The following CASZ1 variants were observed in gnomAD, a reference collection of about 807,000 sequenced individuals.
CASZ1 encodes the protein zinc finger protein castor homolog 1.
In CASZ1, 28 loss-of-function variants were observed where a neutral mutation model predicts 135.2. That is an observed-to-expected ratio of 0.21 (90% confidence interval 0.15 to 0.28). The LOEUF (loss-of-function observed/expected upper bound fraction) is 0.28. Ranked by LOEUF, CASZ1 falls within the 10% of genes least tolerant of loss-of-function variation. CASZ1 has a pLI of 1.00. For missense variants in CASZ1, 2,161 were observed against 2,453.3 expected, an observed-to-expected ratio of 0.88 and a Z score of 2.52; for synonymous variants, 1,068 against 1,073.4, an observed-to-expected ratio of 0.99 and a Z score of 0.10.
At position 10,638,990 on chromosome 1, in the gene CASZ1, C is replaced by G. The variant is rs954737038; in HGVS notation, c.5232G>C (p.Ala1744=). 1.6e-5 allele frequency: 16 copies of G among 982,322 alleles called. No individual in the cohort carries two copies. Among genetic ancestry groups the G allele is most frequent in the Non-Finnish European group, 1.7e-5 (14 of 829,382 alleles). The allele number at this position is 982,322 out of a possible 1,614,324, so 60.9% of individuals were successfully genotyped here. The stretch of plus-strand genomic sequence containing the variant: ...GCGCGGGGCCGGGGGCGCCCAGGGC[C>G]GCCAGCGCCGCCAAGGCCGGGGTCC... ...GARTPALAAL[A]ALGAPGPAPT... The change falls in exon 21 of 21, where the codon GCG becomes GCC. Residue 1744 remains alanine, a synonymous_variant. Transcript: ENST00000377022. This position sits in a 1 kb window ranked among gnomAD's most constrained non-coding sequence, Gnocchi z 5.9.
At chr1:10,641,871 C>T (rs954634898) in intron 20 of CASZ1, among the ~76,000 whole-genome samples, 2 of 152,122 alleles carry the variant, frequency 1.3e-5, no homozygotes, top group African/African-American at 2.4e-5. Flanking sequence ...ATGGAGACCA[C>T]GCTCTCTAGT....
chr1:10,692,071 C>A (rs927814107), intron 4 of CASZ1, among the ~76,000 whole-genome samples: 3 of 152,172 alleles, frequency 2.0e-5, no homozygotes, highest in African/African-American at 7.2e-5. Flanking sequence ...CCCTAAGGCC[C>A]AGGAGAGAAG....
chr1:10,685,398 C>T (rs1220084881), intron 4 of CASZ1, among the ~76,000 whole-genome samples: 1 of 152,204 alleles, frequency 6.6e-6, no homozygotes, highest in Non-Finnish European at 1.5e-5. Context: ...GCCTCGGTAG[C>T]GTGTTCTATT....
At chr1:10,662,154 C>T (rs1643057252) in intron 5 of CASZ1, among the ~76,000 whole-genome samples, 3 of 151,520 alleles carry the variant, frequency 2.0e-5, no homozygotes, top group South Asian at 4.2e-4. Context: ...CACACACCTA[C>T]ACACAGTCAC....
chr1:10,649,515 AGCTCTGGGCTGCT>A (rs1642490507), intron 13 of CASZ1, 78 bp from the exon 14 acceptor site: 4 of 1,482,256 alleles, frequency 2.7e-6, no homozygotes, highest in Non-Finnish European at 9.1e-7. Context: ...CAACAGCCGA[AGCTCTGGGCTGCT>A]GGGACCCACC....
rs895101092 is a variant in CASZ1, at chr1:10,657,720, C to T, written c.1409+788G>A. On this transcript the variant is annotated intron_variant, in intron 7 of 20. Coordinates refer to ENST00000377022, the MANE Select transcript of CASZ1 (RefSeq NM_001079843.3). This position sits in a 1 kb window ranked among gnomAD's most constrained non-coding sequence, Gnocchi z 5.7. ...CGTGGAGGCGGAGAGACAGAGCGGG[C>T]GGGAGGAACCTGGAAGATCTGCGGA... is the stretch of plus-strand genomic sequence containing the variant. Among the ~76,000 whole-genome samples, 20 of 133,786 alleles carry T rather than the reference C, an allele frequency of 1.5e-4. No homozygotes were observed. Among genetic ancestry groups the T allele is most frequent in the Non-Finnish European group, 2.2e-4 (14 of 64,522 alleles). 87.8% of individuals were successfully genotyped at this position (133,786 alleles called of 152,430 possible).
At chr1:10,640,625 T>C (rs1355915824) in intron 20 of CASZ1, among the ~76,000 whole-genome samples, 1 of 152,218 alleles carries the variant, frequency 6.6e-6, no homozygotes, top group Non-Finnish European at 1.5e-5. Context: ...GAGCACCTTG[T>C]CCTTGGTACC....
At chr1:10,765,026 G>A (rs1640447926) in intron 1 of CASZ1, among the ~76,000 whole-genome samples, 2 of 152,158 alleles carry the variant, frequency 1.3e-5, no homozygotes, top group Non-Finnish European at 2.9e-5. Context: ...CCAGATAAGG[G>A]GAAAGCAAAA....
At position 10,666,725 on chromosome 1, in the gene CASZ1, C is replaced by G. The variant is rs866263180; in HGVS notation, c.17-1154G>C. On this transcript the variant is annotated intron_variant, in intron 4 of 20. Coordinates refer to ENST00000377022, the MANE Select transcript of CASZ1 (RefSeq NM_001079843.3). This position sits in a 1 kb window ranked among gnomAD's most constrained non-coding sequence, Gnocchi z 5.2. ...TAGGGCACCGAGGGTCCTGGGGGGG[C>G]ATACGGCAAGCCCACCCACCACACA... 6.6e-6 allele frequency among the ~76,000 whole-genome samples: 1 copy of G among 152,220 alleles called. No individual in the cohort carries two copies. The highest frequency in any genetic ancestry group is 2.1e-4 in the South Asian group (1 of 4,828).
At chr1:10,649,228 G>C in intron 14 of CASZ1, 36 bp from the exon 15 acceptor site, 4 of 1,610,080 alleles carry the variant, frequency 2.5e-6, no homozygotes, top group Non-Finnish European at 3.4e-6. Flanking sequence ...GAGAGCCTGG[G>C]GCTCCAGGGC....
intron 1 of CASZ1, among the ~76,000 whole-genome samples, chr1:10,795,207 C>T (rs1286344106): frequency 6.6e-5 from 10 of 151,432 alleles, no homozygotes; most frequent in Non-Finnish European, 1.5e-4. Flanking sequence ...ATCCCCCATT[C>T]CCGCGCGCCC....
intron 2 of CASZ1, among the ~76,000 whole-genome samples, chr1:10,743,664 T>TGGGGGGGGGGG (rs146404795): frequency 4.3e-5 from 1 of 23,482 alleles, no homozygotes; most frequent in African/African-American, 1.3e-4. Flanking sequence ...GTCTCCAAAA[T>TGGGGGGGGGGG]GGGGGGGCGG....
chr1:10,741,362 A>C lies in CASZ1; in HGVS notation c.-77+19339T>G, dbSNP rs149997458. 2.6e-3 allele frequency among the ~76,000 whole-genome samples: 402 copies of C among 152,324 alleles called. 1 individual carries two copies. Among genetic ancestry groups the C allele is most frequent in the Middle Eastern group, 6.8e-3 (2 of 294 alleles). On this transcript the variant is annotated intron_variant, in intron 2 of 20. Transcript: ENST00000377022. The surrounding 1 kb of genome is among the most constrained non-coding windows in gnomAD (Gnocchi z 5.0). ...GCAAAGCAAAGCCTGGAAAAGAGCC[A>C]CCAGCAGTTGTCCTGGGGGTGGGGG...
intron 4 of CASZ1, among the ~76,000 whole-genome samples, chr1:10,668,531 G>A (rs929410049): frequency 6.6e-6 from 1 of 152,240 alleles, no homozygotes; most frequent in Non-Finnish European, 1.5e-5. Context: ...CGGGAGAGGC[G>A]AGGGGAGGGG....
At chr1:10,765,696 T>C (rs113310461) in intron 1 of CASZ1, among the ~76,000 whole-genome samples, 28 of 152,076 alleles carry the variant, frequency 1.8e-4, no homozygotes, top group African/African-American at 6.8e-4. Flanking sequence ...GAGAGAGAGA[T>C]GGGGCAAGAA....
At chr1:10,766,835 G>A (rs1469900346) in intron 1 of CASZ1, among the ~76,000 whole-genome samples, 2 of 152,184 alleles carry the variant, frequency 1.3e-5, no homozygotes, top group Non-Finnish European at 2.9e-5. Context: ...CTCAACTGGC[G>A]AGTGGAGGGT....
chr1:10,731,014 G>A (rs964425775), intron 2 of CASZ1, among the ~76,000 whole-genome samples: 2 of 152,148 alleles, frequency 1.3e-5, no homozygotes, highest in African/African-American at 4.8e-5. Flanking sequence ...GCTGAGGCGG[G>A]AGAATCACTT....
At chr1:10,742,138 C>G (rs1487749091) in intron 2 of CASZ1, among the ~76,000 whole-genome samples, 1 of 152,156 alleles carries the variant, frequency 6.6e-6, no homozygotes, top group Admixed American at 6.5e-5. Context: ...GAAGCATTGA[C>G]TTCTCAAACA....
In CASZ1 at chr1:10,639,479, C is replaced by G. The variant is rs1385293868; in HGVS notation, c.4743G>C (p.Thr1581=). ...FHCTFPGCRH[T]VVGMSQMDSH... is the part of the protein sequence containing the mutation. ...AGTCCATCTGCGACATGCCCACCAC[C>G]GTGTGGCGGCAGCCCGGGAAGGTGC... The change falls in exon 21 of 21, where the codon ACG becomes ACC. Residue 1581 remains threonine (T), a synonymous_variant. Coordinates refer to ENST00000377022, the MANE Select transcript of CASZ1 (RefSeq NM_001079843.3). The surrounding 1 kb of genome is among the most constrained non-coding windows in gnomAD (Gnocchi z 4.0). 1 of 1,609,660 alleles carries G rather than the reference C, an allele frequency of 6.2e-7. No individual in the cohort carries two copies. The highest frequency in any genetic ancestry group is 2.2e-5 in the East Asian group (1 of 44,708).
Sources: gnomAD v4.1 joint callset for allele counts (sites outside exome capture counted in the v4.1 genomes callset) on GRCh38, gnomAD v4.1.1 for gene constraint, Gnocchi (gnomAD v3.1) non-coding constraint, MANE v1.5 for transcripts, NCBI Gene and HGNC (gene_info 2026-07-23, HGNC 2026-07-21) for gene names.